Variants in SORCS1 observed in about 807,000 individuals in gnomAD.
The protein encoded by SORCS1 is sortilin related VPS10 domain containing receptor 1.
In SORCS1, 60 loss-of-function variants were observed where a neutral mutation model predicts 146.1. The observed-to-expected ratio is 0.41, with a 90% CI of 0.33 to 0.51. SORCS1 has a LOEUF of 0.51. Ranked by LOEUF, SORCS1 falls within the 20% of genes least tolerant of loss-of-function variation. The pLI, the probability that SORCS1 is intolerant of heterozygous loss-of-function variation, is 0.21. For synonymous variants in SORCS1, 637 were observed against 584.0 expected, an observed-to-expected ratio of 1.09 and a Z score of -1.31; for missense variants, 1,352 against 1,487.6, an observed-to-expected ratio of 0.91 and a Z score of 1.50.
At chr10:106,946,938 G>T (rs1167969955) in intron 2 of SORCS1, among the ~76,000 whole-genome samples, 1 of 152,100 alleles carries the variant, frequency 6.6e-6, no homozygotes, top group Non-Finnish European at 1.5e-5. Flanking sequence ...ATAAGTCAAA[G>T]ATACATAATT....
chr10:106,821,536 T>TTACATATAAGAAGCATATCACATATA (rs1948023674), intron 3 of SORCS1, among the ~76,000 whole-genome samples: 1 of 152,206 alleles, frequency 6.6e-6, no homozygotes, highest in African/African-American at 2.4e-5. Flanking sequence ...TGTAATGCAT[T>TTACATATAAGAAGCATATCACATATA]AGATGCTTCT....
intron 6 of SORCS1, among the ~76,000 whole-genome samples, chr10:106,726,178 T>TCC: frequency 1.6e-5 from 2 of 127,958 alleles, no homozygotes; most frequent in African/African-American, 3.0e-5. Context: ...ACAATCTCTT[T>TCC]CCCTCTCTTT....
intron 1 of SORCS1, among the ~76,000 whole-genome samples, chr10:106,970,652 G>A (rs758702381): frequency 1.6e-4 from 24 of 151,630 alleles, no homozygotes; most frequent in Non-Finnish European, 2.8e-4. Flanking sequence ...AGTCTCTAAG[G>A]TTTATATACC....
Position 107,164,280 on chromosome 10 carries a change from CG to C in SORCS1, c.246del (p.Asp84ThrfsTer49). Reference sequence around the variant, plus strand: ...CGCTCCAGGGATAGCGCTCGGTCCCCGGGGGCCACTGAGAACAGGGGACGCA... The same window carrying C: ...CGCTCCAGGGATAGCGCTCGGTCCCCGGGGCCACTGAGAACAGGGGACGCA... Reference protein sequence around the residue: ...LVVRPLFSVAPGDRALSLERA... With the variant: ...LVVRPLFSVAXGDRALSLERA... On this transcript the variant is annotated frameshift_variant, in exon 1 of 26. Coordinates refer to ENST00000263054, the MANE Select transcript of SORCS1 (RefSeq NM_052918.5). LOFTEE classifies it high-confidence loss of function. The surrounding 1 kb of genome is among the most constrained non-coding windows in gnomAD (Gnocchi z 6.8). 1 of 1,597,938 alleles carries C rather than the reference CG, an allele frequency of 6.3e-7. No individual in the cohort carries two copies.
intron 2 of SORCS1, among the ~76,000 whole-genome samples, chr10:106,852,818 T>A (rs1949644664): frequency 6.6e-6 from 1 of 152,188 alleles, no homozygotes; most frequent in Admixed American, 6.5e-5. Context: ...AAACCAGCTT[T>A]ACATATCTTG....
chr10:106,850,450 A>G (rs1190017480), intron 2 of SORCS1, among the ~76,000 whole-genome samples: 1 of 151,890 alleles, frequency 6.6e-6, no homozygotes, highest in Non-Finnish European at 1.5e-5. Context: ...CGGCTCGCAC[A>G]CGGTGCGCGC....
intron 2 of SORCS1, among the ~76,000 whole-genome samples, chr10:106,935,872 T>C (rs1030257429): frequency 6.6e-6 from 1 of 152,222 alleles, no homozygotes; most frequent in Non-Finnish European, 1.5e-5. Flanking sequence ...TTGCAAAAGT[T>C]TGAGGGAAAT....
At chr10:106,733,911 C>A (rs974282395) in intron 5 of SORCS1, among the ~76,000 whole-genome samples, 10 of 152,198 alleles carry the variant, frequency 6.6e-5, no homozygotes, top group Non-Finnish European at 1.5e-4. Flanking sequence ...AAATGACTCT[C>A]TTAATACACC....
chr10:106,623,179 G>A (rs1334275177), intron 19 of SORCS1, among the ~76,000 whole-genome samples: 2 of 151,222 alleles, frequency 1.3e-5, no homozygotes, highest in Non-Finnish European at 2.9e-5. Flanking sequence ...ACAATGACTA[G>A]ATAAACTATG....
At chr10:106,853,542 G>A (rs1053738346) in intron 2 of SORCS1, among the ~76,000 whole-genome samples, 4 of 151,514 alleles carry the variant, frequency 2.6e-5, no homozygotes, top group Non-Finnish European at 5.9e-5. Flanking sequence ...ATTTTCTGAG[G>A]TGGGGGTTTA....
At chr10:106,822,469 A>G (rs923753820) in intron 3 of SORCS1, among the ~76,000 whole-genome samples, 2 of 152,194 alleles carry the variant, frequency 1.3e-5, no homozygotes, top group Admixed American at 6.5e-5. Flanking sequence ...AGCATTCTGC[A>G]CTTATTATTC....
At chr10:106,585,817 C>A (rs1160064666) in intron 24 of SORCS1, among the ~76,000 whole-genome samples, 1 of 152,166 alleles carries the variant, frequency 6.6e-6, no homozygotes, top group Non-Finnish European at 1.5e-5. Context: ...GTGAGCAAGA[C>A]CAGAACAGTC....
At chr10:107,029,889 G>C (rs1268220911) in intron 1 of SORCS1, among the ~76,000 whole-genome samples, 1 of 152,140 alleles carries the variant, frequency 6.6e-6, no homozygotes, top group Non-Finnish European at 1.5e-5. Flanking sequence ...TAGGTAGAGG[G>C]AACAGTGTAT....
rs376161937 is a variant in SORCS1 at position 106,978,321 on chromosome 10, G to A, written c.559-21741C>T. On this transcript the variant is annotated intron_variant, in intron 1 of 25. Transcript: ENST00000263054. ...AATATGACTGAAAAGATAGAGGATGGCCTTTGTGAGTGGTCTCTAATTCCA... is the reference window on the plus strand; with the variant it reads ...AATATGACTGAAAAGATAGAGGATGACCTTTGTGAGTGGTCTCTAATTCCA... 2.6e-5 allele frequency among the ~76,000 whole-genome samples: 4 copies of A among 152,180 alleles called. No homozygotes were observed. In the East Asian group the frequency reaches 5.8e-4, roughly 22 times the overall value.
chr10:106,843,417 A>G (rs536455166), intron 2 of SORCS1, among the ~76,000 whole-genome samples: 21 of 144,864 alleles, frequency 1.4e-4, no homozygotes, highest in African/African-American at 5.3e-4. Context: ...TTGCGGTAAA[A>G]GGCAGGATTT....
chr10:106,631,439 T>C (rs1212181742), intron 18 of SORCS1, among the ~76,000 whole-genome samples: 1 of 152,214 alleles, frequency 6.6e-6, no homozygotes, highest in Non-Finnish European at 1.5e-5. Context: ...TTTCCACCCC[T>C]AGTTTTCAAC....
the SORCS1 span, among the ~76,000 whole-genome samples, chr10:107,173,264 A>G: frequency 2.0e-5 from 3 of 152,160 alleles, no homozygotes; most frequent in African/African-American, 7.2e-5. Flanking sequence ...ACGGAGTACA[A>G]AGTTACAGTT....
At chr10:106,650,273 G>A (rs2133754455) in intron 18 of SORCS1, among the ~76,000 whole-genome samples, 1 of 152,276 alleles carries the variant, frequency 6.6e-6, no homozygotes, top group South Asian at 2.1e-4. Context: ...ATTTCAGATT[G>A]GATTTCTGGG....
rs558752847 is a variant in SORCS1 at position 106,914,687 on chromosome 10, C to A, written c.626+41826G>T. On this transcript the variant is annotated intron_variant, in intron 2 of 25. Transcript: ENST00000263054. ...TTTAAGTCCTATTCCAAGCTACAGTCCTATTATCGAATTATCCAATTAGCT... is the reference window on the plus strand; with the variant it reads ...TTTAAGTCCTATTCCAAGCTACAGTACTATTATCGAATTATCCAATTAGCT... Among the ~76,000 whole-genome samples, 11 of 152,264 alleles carry A rather than the reference C, an allele frequency of 7.2e-5. No homozygotes were observed. In the East Asian group the frequency reaches 2.1e-3, roughly 29 times the overall value.
Sources: allele counts gnomAD v4.1 joint callset (sites outside exome capture counted in the v4.1 genomes callset), GRCh38; gene constraint gnomAD v4.1.1; non-coding constraint Gnocchi (gnomAD v3.1); transcripts MANE v1.5; gene names NCBI Gene and HGNC (gene_info 2026-07-23, HGNC 2026-07-21).